GRIN2A: variants seen among roughly 807,000 people sequenced by gnomAD.
GRIN2A encodes the protein glutamate ionotropic receptor NMDA type subunit 2A.
Under a neutral mutation model 113.4 loss-of-function variants are expected in GRIN2A, and 22 were observed. The ratio of observed to expected loss-of-function variants is 0.19; its 90% confidence interval spans 0.14 to 0.28. The LOEUF (loss-of-function observed/expected upper bound fraction) is 0.28. Among genes scored for constraint, GRIN2A ranks in the 10% least tolerant of loss-of-function variants. The pLI, the probability that GRIN2A is intolerant of heterozygous loss-of-function variation, is 1.00. For synonymous variants in GRIN2A, 827 were observed against 738.4 expected, an observed-to-expected ratio of 1.12 and a Z score of -1.94; for missense variants, 1,502 against 1,887.0, an observed-to-expected ratio of 0.80 and a Z score of 3.78.
rs2141132275 is a variant in GRIN2A, at chr16:9,764,106, G to A, written c.3438C>T (p.Asp1146=). The A allele has an allele frequency of 2.5e-6, 4 of 1,613,816 alleles. No homozygotes were observed. The highest frequency in any genetic ancestry group is 3.4e-6 in the Non-Finnish European group (4 of 1,179,752). ...TGGGATCCTGGTAGGGGTCCGGGAA[G>A]TCCACGTTCTCGGGCAGGGTCACAT... ...VENVTLPENV[D]FPDPYQDPSE... Residue 1146 remains aspartate, a synonymous_variant, in exon 13 of 13, where the codon GAC becomes GAT. Coordinates refer to ENST00000330684, the MANE Select transcript of GRIN2A (RefSeq NM_001134407.3).
chr16:9,836,983 G>T (rs2042593176), intron 7 of GRIN2A, among the ~76,000 whole-genome samples: 1 of 152,150 alleles, frequency 6.6e-6, no homozygotes, highest in South Asian at 2.1e-4. Flanking sequence ...AGAGCCACTG[G>T]TTACATTTTT....
intron 2 of GRIN2A, among the ~76,000 whole-genome samples, chr16:9,944,277 T>G (rs1290374089): frequency 1.3e-5 from 2 of 152,210 alleles, no homozygotes; most frequent in African/African-American, 2.4e-5. Context: ...CAACATATTT[T>G]ATTTCAATTT....
chr16:10,088,052 T>C (rs531949525), intron 2 of GRIN2A, among the ~76,000 whole-genome samples: 2 of 152,222 alleles, frequency 1.3e-5, no homozygotes, highest in Middle Eastern at 3.4e-3. Context: ...ATCATCATCA[T>C]GGGTTCTCAC....
intron 2 of GRIN2A, among the ~76,000 whole-genome samples, chr16:10,165,122 G>A (rs2049885061): frequency 2.0e-5 from 3 of 152,084 alleles, no homozygotes; most frequent in Non-Finnish European, 4.4e-5. Context: ...TGTTAAACAA[G>A]GTATTGGTTT....
At chr16:9,781,844 C>T (rs1166328368) in intron 11 of GRIN2A, among the ~76,000 whole-genome samples, 1 of 152,114 alleles carries the variant, frequency 6.6e-6, no homozygotes, top group Non-Finnish European at 1.5e-5. Flanking sequence ...AAATGTGTAG[C>T]ATTTGGAAAA....
chr16:9,965,813 G>A (rs765373808), intron 2 of GRIN2A, among the ~76,000 whole-genome samples: 1 of 152,126 alleles, frequency 6.6e-6, no homozygotes, highest in Admixed American at 6.5e-5. Flanking sequence ...CTTTTATATA[G>A]CCCCAAAACA....
rs1357712228 is a variant in GRIN2A at position 9,763,848 on chromosome 16, G to C, written c.3696C>G (p.Ser1232=). 6.2e-7 allele frequency: 1 copy of C among 1,614,104 alleles called. No individual in the cohort carries two copies. Among genetic ancestry groups the C allele is most frequent in the Non-Finnish European group, 8.5e-7 (1 of 1,180,012 alleles). Residue 1232 remains serine, a synonymous_variant, in exon 13 of 13, where the codon TCC becomes TCG. Transcript: ENST00000330684. ...GCAGGCAGGCATCGCACTTGAAGGGGGACCTCATGGTGAAGTGGCCTGAAT... is the reference window on the plus strand; with the variant it reads ...GCAGGCAGGCATCGCACTTGAAGGGCGACCTCATGGTGAAGTGGCCTGAAT... ...PTYSGHFTMR[S]PFKCDACLRM... is the part of the protein sequence containing the mutation.
chr16:10,059,512 G>T (rs2142003997), intron 2 of GRIN2A, among the ~76,000 whole-genome samples: 1 of 152,210 alleles, frequency 6.6e-6, no homozygotes, highest in Admixed American at 6.5e-5. Context: ...ACTGGTGGTA[G>T]AAATGGGTAG....
At chr16:9,941,831 C>A (rs1200679279) in intron 2 of GRIN2A, among the ~76,000 whole-genome samples, 2 of 148,606 alleles carry the variant, frequency 1.3e-5, no homozygotes, top group East Asian at 3.9e-4. Flanking sequence ...TTAATGCCAC[C>A]CCCAACCACC....
At chr16:10,102,072 C>T (rs28718954) in intron 2 of GRIN2A, among the ~76,000 whole-genome samples, 7 of 151,982 alleles carry the variant, frequency 4.6e-5, no homozygotes, top group Non-Finnish European at 5.9e-5. Flanking sequence ...AATCATCACA[C>T]GAACTCCTAG....
At chr16:10,030,171 G>A (rs1215837602) in intron 2 of GRIN2A, among the ~76,000 whole-genome samples, 2 of 98,956 alleles carry the variant, frequency 2.0e-5, no homozygotes, top group Non-Finnish European at 4.2e-5. Context: ...TCATCTTCAC[G>A]TTCTTGGGTG....
intron 3 of GRIN2A, among the ~76,000 whole-genome samples, chr16:9,917,566 C>A (rs753170604): frequency 2.6e-5 from 4 of 152,222 alleles, no homozygotes; most frequent in African/African-American, 9.6e-5. Flanking sequence ...TCTACTGCAT[C>A]GGTTCCAAAA....
At chr16:9,858,975 T>C (rs1343534983) in intron 4 of GRIN2A, among the ~76,000 whole-genome samples, 1 of 152,198 alleles carries the variant, frequency 6.6e-6, no homozygotes, top group Admixed American at 6.5e-5. Flanking sequence ...ATCACAGGTC[T>C]CCTGGTCTCT....
At chr16:9,939,883 A>T (rs1360901719) in intron 2 of GRIN2A, among the ~76,000 whole-genome samples, 1 of 152,178 alleles carries the variant, frequency 6.6e-6, no homozygotes, top group Admixed American at 6.5e-5. Flanking sequence ...AAGTGCTGAG[A>T]TGTATTTCTT....
chr16:10,010,030 C>A (rs1402344665), intron 2 of GRIN2A, among the ~76,000 whole-genome samples: 2 of 152,208 alleles, frequency 1.3e-5, no homozygotes, highest in African/African-American at 4.8e-5. Flanking sequence ...CTCTACTCTA[C>A]GAGTGAGGAG....
chr16:10,048,498 A>C (rs985949861), intron 2 of GRIN2A, among the ~76,000 whole-genome samples: 25 of 152,230 alleles, frequency 1.6e-4, no homozygotes, highest in African/African-American at 5.3e-4. Flanking sequence ...TAGTGAAGAC[A>C]TATGTGGGGA....
In GRIN2A at chr16:10,012,379, G is replaced by A. The variant is rs2046522976; in HGVS notation, c.415-73828C>T. Among the ~76,000 whole-genome samples the A allele has an allele frequency of 2.0e-5, 3 of 152,140 alleles. No homozygotes were observed. In the South Asian group the frequency reaches 6.2e-4, roughly 31 times the overall value. Reference sequence around the variant, plus strand: ...GTATTAATGCATTTAACCCTCATATGCTAAATTTCATTTCTAATTATAGGA... The same window carrying A: ...GTATTAATGCATTTAACCCTCATATACTAAATTTCATTTCTAATTATAGGA... On this transcript the variant is annotated intron_variant, in intron 2 of 12. Transcript: ENST00000330684.
intron 2 of GRIN2A, among the ~76,000 whole-genome samples, chr16:10,100,030 C>G (rs1217657532): frequency 6.6e-6 from 1 of 152,088 alleles, no homozygotes; most frequent in Non-Finnish European, 1.5e-5. Flanking sequence ...ATTTACTAGT[C>G]AAGAAGTATC....
intron 2 of GRIN2A, among the ~76,000 whole-genome samples, chr16:9,946,171 G>C (rs1270589075): frequency 1.3e-5 from 2 of 152,128 alleles, no homozygotes; most frequent in East Asian, 1.9e-4. Flanking sequence ...GACCCTTATT[G>C]TTATGCAAGG....
Sources: allele counts gnomAD v4.1 joint callset (sites outside exome capture counted in the v4.1 genomes callset), GRCh38; gene constraint gnomAD v4.1.1; transcripts MANE v1.5; gene names NCBI Gene and HGNC (gene_info 2026-07-23, HGNC 2026-07-21).